DPCD: variants seen among roughly 807,000 people sequenced by gnomAD.
The protein encoded by DPCD is deleted in primary ciliary dyskinesia homolog (mouse), also known as protein DPCD.
DPCD carries 20 observed loss-of-function variants against 26.4 expected under a neutral mutation model. The observed-to-expected ratio is 0.76, with a 90% CI of 0.53 to 1.10. The LOEUF (loss-of-function observed/expected upper bound fraction) is 1.10, where lower values mean the gene tolerates loss of function less well. DPCD is among the 50% of genes least tolerant of loss of function. The pLI is 0.00. For missense variants in DPCD, 202 were observed against 253.9 expected, an observed-to-expected ratio of 0.80 and a Z score of 1.39; for synonymous variants, 97 against 94.2, an observed-to-expected ratio of 1.03 and a Z score of -0.17.
chr10:101,599,926 G>A (rs900733775), intron 2 of DPCD, among the ~76,000 whole-genome samples: 8 of 152,174 alleles, frequency 5.3e-5, no homozygotes, highest in African/African-American at 1.4e-4. Flanking sequence ...GTGATGGACC[G>A]CATGGTTCCT....
intron 4 of DPCD, among the ~76,000 whole-genome samples, chr10:101,601,660 A>G (rs537939148): frequency 6.6e-6 from 1 of 152,024 alleles, no homozygotes; most frequent in South Asian, 2.1e-4. Flanking sequence ...AAAGGTTATT[A>G]TGACCTTGGT....
rs2134770153 is a variant in DPCD at position 101,600,632 on chromosome 10, A to G, written c.146-106A>G. On this transcript the variant is annotated intron_variant, in intron 2 of 5. Transcript: ENST00000370151. This position sits in a 1 kb window ranked among gnomAD's most constrained non-coding sequence, Gnocchi z 4.7. Reference sequence around the variant, plus strand: ...AACACTCCCACTTTCATCTTGTGCTAGTTACCTAGTGTGGTGCCGGTGATT... The same window carrying G: ...AACACTCCCACTTTCATCTTGTGCTGGTTACCTAGTGTGGTGCCGGTGATT... 3 of 1,475,450 alleles carry G rather than the reference A, an allele frequency of 2.0e-6. No individual in the cohort carries two copies. Among genetic ancestry groups the G allele is most frequent in the East Asian group, 4.6e-5 (2 of 43,130 alleles). The allele number at this position is 1,475,450 out of a possible 1,614,324, so 91.4% of individuals were successfully genotyped here.
chr10:101,606,248 G>A (rs559518847), intron 4 of DPCD, among the ~76,000 whole-genome samples: 3 of 152,104 alleles, frequency 2.0e-5, no homozygotes, highest in Admixed American at 6.5e-5. Flanking sequence ...TGCAACCTCC[G>A]CCCCCTGGGT....
In DPCD at chr10:101,600,625, T is replaced by C; in HGVS notation, c.146-113T>C. 6.9e-7 allele frequency: 1 copy of C among 1,458,446 alleles called. No homozygotes were observed. The highest frequency in any genetic ancestry group is 9.2e-7 in the Non-Finnish European group (1 of 1,089,862). The allele number at this position is 1,458,446 out of a possible 1,614,324, so 90.3% of individuals were successfully genotyped here. A position where few individuals can be genotyped will look rare whatever the true frequency, so the allele number is the denominator to read the frequency against. On this transcript the variant is annotated intron_variant, in intron 2 of 5. Transcript: ENST00000370151. This position sits in a 1 kb window ranked among gnomAD's most constrained non-coding sequence, Gnocchi z 4.7. ...AAGGCCCAACACTCCCACTTTCATC[T>C]TGTGCTAGTTACCTAGTGTGGTGCC... is the stretch of plus-strand genomic sequence containing the variant.
intron 4 of DPCD, chr10:101,601,563 T>C (rs1164034215): frequency 6.5e-6 from 1 of 153,652 alleles, no homozygotes; most frequent in African/African-American, 2.4e-5. Flanking sequence ...CTGGCATAGA[T>C]AGGGGCTCAG....
chr10:101,596,950 C>T (rs2134762528), intron 2 of DPCD, among the ~76,000 whole-genome samples: 1 of 152,308 alleles, frequency 6.6e-6, no homozygotes, highest in Middle Eastern at 3.4e-3. Context: ...CAGTCTGGGA[C>T]AGAGTTCCTC....
rs776427309 is a variant in DPCD at position 101,601,252 on chromosome 10, G to A, written c.320G>A (p.Arg107Gln). The part of the protein sequence containing the change: ...DTKMSFQWRI[R>Q]NLPYPKDVYS... ...AAGATGAGTTTCCAGTGGCGGATTCGAAACCTCCCCTATCCTAAGGATGTC... is the reference window on the plus strand; with the variant it reads ...AAGATGAGTTTCCAGTGGCGGATTCAAAACCTCCCCTATCCTAAGGATGTC... The change falls in exon 4 of 6, where the codon CGA becomes CAA. Residue 107 changes from arginine to glutamine, a missense_variant. Arg to Gln is a conservative substitution (Grantham distance 43, BLOSUM62 1). Transcript: ENST00000370151. 1.5e-5 allele frequency: 25 copies of A among 1,613,584 alleles called. No individual in the cohort carries two copies. The highest frequency in any genetic ancestry group is 1.7e-5 in the Non-Finnish European group (20 of 1,179,886).
chr10:101,597,877 A>G (rs1056383008), intron 2 of DPCD, among the ~76,000 whole-genome samples: 5 of 152,230 alleles, frequency 3.3e-5, no homozygotes, highest in African/African-American at 1.2e-4. Context: ...TGCATAGGAA[A>G]AATAAGAAGG....
At position 101,600,092 on chromosome 10, in the gene DPCD, C is replaced by A. The variant is rs935892591; in HGVS notation, c.146-646C>A. Reference sequence around the variant, plus strand: ...TGGTTATTTGCATTCTAGAAGGATTCCCTTTTACAAAAAATTCACATTAGA... The same window carrying A: ...TGGTTATTTGCATTCTAGAAGGATTACCTTTTACAAAAAATTCACATTAGA... On this transcript the variant is annotated intron_variant, in intron 2 of 5. Coordinates refer to ENST00000370151, the MANE Select transcript of DPCD (RefSeq NM_015448.3). The surrounding 1 kb of genome is among the most constrained non-coding windows in gnomAD (Gnocchi z 4.7). Among the ~76,000 whole-genome samples, 1 of 152,146 alleles carries A rather than the reference C, an allele frequency of 6.6e-6. No homozygotes were observed. Among genetic ancestry groups the A allele is most frequent in the African/African-American group, 2.4e-5 (1 of 41,432 alleles).
chr10:101,598,867 G>A (rs370441463), intron 2 of DPCD, among the ~76,000 whole-genome samples: 2 of 152,086 alleles, frequency 1.3e-5, no homozygotes, highest in East Asian at 1.9e-4. Context: ...TGATCCGCCC[G>A]CCTTGGCCTC....
chr10:101,588,692 T>C (rs1277905740), intron 1 of DPCD: 2 of 1,135,524 alleles, frequency 1.8e-6, no homozygotes, highest in African/African-American at 3.2e-5. Flanking sequence ...ACCACTGTCC[T>C]GAGAGGCTAA....
chr10:101,605,330 G>T, intron 4 of DPCD: 1 of 1,436,704 alleles, frequency 7.0e-7, no homozygotes. Flanking sequence ...TGAAAGGCTG[G>T]ATTGGGGAGG....
At chr10:101,597,871 T>G (rs142867362) in intron 2 of DPCD, among the ~76,000 whole-genome samples, 1 of 152,302 alleles carries the variant, frequency 6.6e-6, no homozygotes, top group African/African-American at 2.4e-5. Context: ...CACTTGTGCA[T>G]AGGAAAAATA....
At chr10:101,604,081 G>T (rs2063717507) in intron 4 of DPCD, among the ~76,000 whole-genome samples, 1 of 152,226 alleles carries the variant, frequency 6.6e-6, no homozygotes, top group African/African-American at 2.4e-5. Context: ...GGCAGGTGGG[G>T]AAGTGTGGCC....
At chr10:101,599,471 T>C (rs907266481) in intron 2 of DPCD, among the ~76,000 whole-genome samples, 1 of 152,244 alleles carries the variant, frequency 6.6e-6, no homozygotes, top group Admixed American at 6.5e-5. Flanking sequence ...CTAGGGAGAA[T>C]TTTTGGCCCT....
chr10:101,604,107 A>G (rs1211965872), intron 4 of DPCD, among the ~76,000 whole-genome samples: 1 of 152,246 alleles, frequency 6.6e-6, no homozygotes, highest in Non-Finnish European at 1.5e-5. Flanking sequence ...CCAGAAGCCA[A>G]AAACTCAATG....
intron 2 of DPCD, among the ~76,000 whole-genome samples, chr10:101,598,690 T>C (rs963331272): frequency 4.7e-5 from 6 of 127,950 alleles, no homozygotes; most frequent in Non-Finnish European, 6.3e-5. Context: ...AATGGCACAA[T>C]CTCAGCTCAC....
rs913143638 is a variant in DPCD, at chr10:101,600,811, C to T, written c.219C>T (p.Pro73=). Residue 73 remains proline (P), a synonymous_variant, in exon 3 of 6, where the codon CCC becomes CCT. Coordinates refer to ENST00000370151, the MANE Select transcript of DPCD (RefSeq NM_015448.3). This position sits in a 1 kb window ranked among gnomAD's most constrained non-coding sequence, Gnocchi z 4.7. The part of the protein sequence containing the change: ...QWQLEVGDPA[P]LGAGNLGPEL... ...AGCTTGAAGTAGGAGACCCAGCGCC[C>T]CTAGGAGCAGGGAACCTGGGGCCTG... 6.2e-7 allele frequency: 1 copy of T among 1,613,818 alleles called. No homozygotes were observed. The highest frequency in any genetic ancestry group is 1.3e-5 in the African/African-American group (1 of 74,880).
At chr10:101,598,843 C>T (rs572063456) in intron 2 of DPCD, among the ~76,000 whole-genome samples, 2 of 151,978 alleles carry the variant, frequency 1.3e-5, no homozygotes, top group African/African-American at 2.4e-5. Context: ...AGGCTGGTCT[C>T]GAACTCCCTC....
Sources: allele counts gnomAD v4.1 joint callset (sites outside exome capture counted in the v4.1 genomes callset), GRCh38; gene constraint gnomAD v4.1.1; non-coding constraint Gnocchi (gnomAD v3.1); transcripts MANE v1.5; gene names NCBI Gene and HGNC (gene_info 2026-07-23, HGNC 2026-07-21).